Variants in RBMS1 observed in about 807,000 individuals in gnomAD.
RBMS1 encodes RNA-binding motif, single-stranded-interacting protein 1.
Under a neutral mutation model 62.3 loss-of-function variants are expected in RBMS1, and 17 were observed. That is an observed-to-expected ratio of 0.27 (90% confidence interval 0.19 to 0.41). The LOEUF is 0.41. RBMS1 is among the 10% of genes least tolerant of loss of function. The pLI, the probability that RBMS1 is intolerant of heterozygous loss-of-function variation, is 1.00. For synonymous variants in RBMS1, 172 were observed against 170.0 expected, an observed-to-expected ratio of 1.01 and a Z score of -0.09; for missense variants, 334 against 504.5, an observed-to-expected ratio of 0.66 and a Z score of 3.24.
rs1027805922 is a variant in RBMS1 at position 160,344,233 on chromosome 2, C to T, written c.251+22983G>A. Among the ~76,000 whole-genome samples, 4 of 152,078 alleles carry T rather than the reference C, an allele frequency of 2.6e-5. No homozygotes were observed. In the South Asian group the frequency reaches 8.3e-4, roughly 32 times the overall value. On this transcript the variant is annotated intron_variant, in intron 2 of 13. Transcript: ENST00000348849. ...GATGCCACATAGTCCTCGCAATAGC[C>T]AGTAAAGAAGGCAAAAGAGGTAACT...
chr2:160,285,079 T>C, intron 7 of RBMS1, 35 bp from the exon 8 acceptor site: 1 of 1,584,766 alleles, frequency 6.3e-7, no homozygotes, highest in Non-Finnish European at 8.7e-7. Context: ...AACATTCATC[T>C]AGAAAGGCAT....
intron 1 of RBMS1, among the ~76,000 whole-genome samples, chr2:160,376,817 A>G (rs1694024925): frequency 6.6e-6 from 1 of 151,916 alleles, no homozygotes; most frequent in Non-Finnish European, 1.5e-5. Flanking sequence ...ATAAATAAAT[A>G]AATAAATAAA....
At chr2:160,389,163 T>C (rs547478711) in intron 1 of RBMS1, among the ~76,000 whole-genome samples, 4 of 152,326 alleles carry the variant, frequency 2.6e-5, no homozygotes, top group South Asian at 2.1e-4. Flanking sequence ...CCGATAAGTA[T>C]ACCTAACTTC....
intron 2 of RBMS1, among the ~76,000 whole-genome samples, chr2:160,347,546 ATGG>A (rs2106001498): frequency 6.6e-6 from 1 of 152,254 alleles, no homozygotes; most frequent in Admixed American, 6.5e-5. Context: ...TTCTAAGCAA[ATGG>A]TGGTGAACAC....
intron 1 of RBMS1, among the ~76,000 whole-genome samples, chr2:160,392,220 C>T (rs886100330): frequency 6.6e-6 from 1 of 152,120 alleles, no homozygotes; most frequent in Non-Finnish European, 1.5e-5. Flanking sequence ...TTCTGTGCAT[C>T]TTCTGGTAAA....
intron 10 of RBMS1, chr2:160,278,859 T>TA: frequency 2.0e-6 from 1 of 509,178 alleles, no homozygotes; most frequent in Non-Finnish European, 3.5e-6. Flanking sequence ...TTAAGAGCGT[T>TA]AGGGGAAATG....
chr2:160,284,299 T>G (rs1341826447), intron 9 of RBMS1: 1 of 153,486 alleles, frequency 6.5e-6, no homozygotes, highest in Non-Finnish European at 1.5e-5. Context: ...TTTATATTTT[T>G]ACCTCAAATG....
chr2:160,451,042 G>A (rs992813198), intron 1 of RBMS1, among the ~76,000 whole-genome samples: 1 of 152,070 alleles, frequency 6.6e-6, no homozygotes, highest in Non-Finnish European at 1.5e-5. Context: ...TGTTGTCCCA[G>A]CTAGTTGGGA....
chr2:160,300,753 A>G (rs1308484638), intron 5 of RBMS1, 23 bp from the exon 6 acceptor site: 12 of 1,534,484 alleles, frequency 7.8e-6, no homozygotes, highest in Middle Eastern at 4.1e-4. Context: ...AAAATAGAAT[A>G]CATAAATATT....
chr2:160,283,144 GT>G (rs1688190213), intron 9 of RBMS1: 1 of 152,214 alleles, frequency 6.6e-6, no homozygotes, highest in African/African-American at 2.4e-5. Context: ...GGAGAAATGT[GT>G]TAATAGCTGT....
At chr2:160,380,588 T>G (rs1393510377) in intron 1 of RBMS1, among the ~76,000 whole-genome samples, 1 of 152,202 alleles carries the variant, frequency 6.6e-6, no homozygotes, top group Non-Finnish European at 1.5e-5. Flanking sequence ...CTTCACATAT[T>G]CCTAAAATTC....
chr2:160,272,689 C>CT lies in RBMS1; in HGVS notation c.*2082dup, dbSNP rs1487203194. 1 of 152,168 alleles carries CT rather than the reference C, an allele frequency of 6.6e-6. No individual in the cohort carries two copies. Among genetic ancestry groups the CT allele is most frequent in the African/African-American group, 2.4e-5 (1 of 41,442 alleles). The allele number at this position is 152,168 out of a possible 1,614,324, so 9.4% of individuals were successfully genotyped here. On this transcript the variant is annotated 3_prime_UTR_variant, in exon 14 of 14. Coordinates refer to ENST00000348849, the MANE Select transcript of RBMS1 (RefSeq NM_016836.4). ...CAGAGGGTGCTGCGTTCAGTCTGGA[C>CT]TTTCACAAAGCAGTAATATTCCAGG...
chr2:160,364,135 T>G (rs1424780978), intron 2 of RBMS1, among the ~76,000 whole-genome samples: 1 of 151,786 alleles, frequency 6.6e-6, no homozygotes, highest in African/African-American at 2.4e-5. Flanking sequence ...TCAAGCAGAG[T>G]GTTTGTTTGG....
intron 2 of RBMS1, among the ~76,000 whole-genome samples, chr2:160,342,974 C>G (rs1691964248): frequency 6.6e-6 from 1 of 151,740 alleles, no homozygotes. Context: ...AAAGAAAAAA[C>G]AATTATCTCC....
chr2:160,475,968 C>T (rs1265069411), intron 1 of RBMS1, among the ~76,000 whole-genome samples: 2 of 151,784 alleles, frequency 1.3e-5, no homozygotes, highest in South Asian at 2.1e-4. Flanking sequence ...TCAATCCTCC[C>T]GCCTCAGCCT....
At chr2:160,487,306 C>T (rs1297926854) in intron 1 of RBMS1, among the ~76,000 whole-genome samples, 1 of 152,170 alleles carries the variant, frequency 6.6e-6, no homozygotes, top group Non-Finnish European at 1.5e-5. Context: ...ATCTTAGTGC[C>T]TTCTCAGTCA....
At chr2:160,423,540 C>T (rs1209949680) in intron 1 of RBMS1, among the ~76,000 whole-genome samples, 1 of 152,296 alleles carries the variant, frequency 6.6e-6, no homozygotes, top group Non-Finnish European at 1.5e-5. Context: ...CTTGTCCCCA[C>T]ACAACATGAT....
chr2:160,442,621 T>C (rs556024549), intron 1 of RBMS1, among the ~76,000 whole-genome samples: 1 of 152,358 alleles, frequency 6.6e-6, no homozygotes, highest in East Asian at 1.9e-4. Context: ...CTTTGATTTT[T>C]TTAAAGCAGG....
chr2:160,287,958 T>C (rs1688489767), intron 6 of RBMS1, among the ~76,000 whole-genome samples: 1 of 150,476 alleles, frequency 6.6e-6, no homozygotes, highest in African/African-American at 2.4e-5. Context: ...TACATTTATA[T>C]AAATTCTTCT....
Sources: gnomAD v4.1 joint callset for allele counts (sites outside exome capture counted in the v4.1 genomes callset) on GRCh38, gnomAD v4.1.1 for gene constraint, MANE v1.5 for transcripts, NCBI Gene and HGNC (gene_info 2026-07-23, HGNC 2026-07-21) for gene names.